Variants in ATP7B observed in about 807,000 individuals in gnomAD.
ATP7B encodes the protein ATPase copper transporting beta, also known as copper-transporting ATPase 2.
ATP7B carries 113 observed loss-of-function variants against 118.9 expected under a neutral mutation model. The observed-to-expected ratio is 0.95, with a 90% CI of 0.82 to 1.11. The LOEUF is 1.11. Ranked by LOEUF, ATP7B falls within the 50% of genes most tolerant of loss-of-function variation. The probability of loss-of-function intolerance (pLI) is 0.00; values close to 1 mark genes in which losing one functional copy is unlikely to be tolerated. For synonymous variants in ATP7B, 777 were observed against 727.4 expected (o/e 1.07, Z -1.10); for missense variants, 1,867 against 1,871.4 (o/e 1.00, Z 0.04).
chr13:51,974,326 T>C lies in ATP7B; in HGVS notation c.894A>G (p.Gln298=). 1 of 1,614,114 alleles carries C rather than the reference T, an allele frequency of 6.2e-7. No homozygotes were observed. The change falls in exon 2 of 21, where the codon CAA becomes CAG. Residue 298 remains glutamine, a synonymous_variant. Transcript: ENST00000242839. The part of the protein sequence containing the change: ...IQVSLENKTA[Q]VKYDPSCTSP... ...TGGTACAAGAAGGGTCATACTTTAC[T>C]TGGGCAGTTTTGTTCTCCAAGGACA...
chr13:51,939,928 A>C (rs548883723), intron 16 of ATP7B, among the ~76,000 whole-genome samples: 1 of 152,030 alleles, frequency 6.6e-6, no homozygotes, highest in South Asian at 2.1e-4. Context: ...ACTAACATTA[A>C]CAAAGTAAAG....
Position 51,972,691 on chromosome 13 carries a change from C to T in ATP7B, c.1285+1244G>A, listed in dbSNP as rs1379059323. On this transcript the variant is annotated intron_variant, in intron 2 of 20. Transcript: ENST00000242839. The stretch of plus-strand genomic sequence containing the variant: ...TTCTAAAATATAATCTGACTTCGTG[C>T]TTCCTCTGATTAAAACCCATGATGG... Among the ~76,000 whole-genome samples, 6 of 152,320 alleles carry T rather than the reference C, an allele frequency of 3.9e-5. No individual in the cohort carries two copies. The East Asian group carries it at 7.7e-4, about 20-fold the overall frequency.
intron 1 of ATP7B, among the ~76,000 whole-genome samples, chr13:51,979,810 A>T (rs1952322623): frequency 6.6e-6 from 1 of 152,180 alleles, no homozygotes; most frequent in Admixed American, 6.5e-5. Flanking sequence ...TAGAATGTTG[A>T]TTCTATGTTT....
chr13:51,963,324 G>C (rs1340858600), intron 5 of ATP7B, among the ~76,000 whole-genome samples: 1 of 152,182 alleles, frequency 6.6e-6, no homozygotes, highest in East Asian at 1.9e-4. Context: ...GCTGGGTATT[G>C]TGAGTAAAGT....
rs1957646412 is a variant in ATP7B, at chr13:51,946,284, C to A, written c.3060G>T (p.Lys1020Asn). The A allele has an allele frequency of 6.3e-7, 1 of 1,579,910 alleles. No homozygotes were observed. Among genetic ancestry groups the A allele is most frequent in the African/African-American group, 1.3e-5 (1 of 74,382 alleles). ...GGGGAAAGCCGTGCTACAGGCTGAC[C>A]TTGTGCGCCATCTCCAGGGGCTTGC... ...KGGKPLEMAH[K>N]IKTVMFDKTG... The change falls in exon 13 of 21, where the codon AAG becomes AAT. Residue 1020 changes from lysine to asparagine, a missense_variant and splice_region_variant. Coordinates refer to ENST00000242839, the MANE Select transcript of ATP7B (RefSeq NM_000053.4).
chr13:51,983,851 A>C (rs574663865), intron 1 of ATP7B, among the ~76,000 whole-genome samples: 47 of 152,276 alleles, frequency 3.1e-4, no homozygotes, highest in African/African-American at 9.1e-4. Context: ...AACAAACAGA[A>C]AGGTATAGCA....
intron 9 of ATP7B, among the ~76,000 whole-genome samples, chr13:51,950,830 C>T (rs539500842): frequency 1.3e-5 from 2 of 152,062 alleles, no homozygotes; most frequent in East Asian, 1.9e-4. Flanking sequence ...CCAACACACA[C>T]GGAAAGGAAG....
chr13:51,969,241 C>G (rs567180490), intron 3 of ATP7B, among the ~76,000 whole-genome samples: 1 of 151,778 alleles, frequency 6.6e-6, no homozygotes, highest in Non-Finnish European at 1.5e-5. Flanking sequence ...ATGAATCACC[C>G]GAGGACCTTG....
intron 8 of ATP7B, chr13:51,957,990 T>C (rs531993216): frequency 4.7e-4 from 219 of 469,888 alleles, no homozygotes; most frequent in South Asian, 4.1e-3. Context: ...TTGAGGAGGA[T>C]GTATGGATGT....
chr13:51,934,805 T>A lies in ATP7B; in HGVS notation c.4349A>T (p.Asp1450Val), dbSNP rs767073883. ...RHSAAADDDG[D>V]KWSLLLNGRD... ...GCCATTCAGGAGCAGAGACCACTTG[T>A]CCCCATCATCGTCTGCTGCAGCGCT... The change falls in exon 21 of 21, where the codon GAC becomes GTC. Residue 1450 changes from aspartate (D) to valine (V), a missense_variant. Transcript: ENST00000242839. 1 of 1,614,154 alleles carries A rather than the reference T, an allele frequency of 6.2e-7. No homozygotes were observed. The highest frequency in any genetic ancestry group is 8.5e-7 in the Non-Finnish European group (1 of 1,180,040).
At chr13:52,011,942 C>T, upstream of ATP7B, 1 of 296,406 alleles carries the variant, frequency 3.4e-6, no homozygotes, top group South Asian at 3.1e-5. Flanking sequence ...TGCGCTGCCC[C>T]CTCCTCGGAC....
chr13:51,995,067 T>C (rs1263876899), intron 1 of ATP7B, among the ~76,000 whole-genome samples: 1 of 152,232 alleles, frequency 6.6e-6, no homozygotes, highest in African/African-American at 2.4e-5. Context: ...TTGACTTGCA[T>C]TGTGGAAAAC....
chr13:51,940,641 C>T (rs997122638), intron 16 of ATP7B, among the ~76,000 whole-genome samples: 1 of 151,870 alleles, frequency 6.6e-6, no homozygotes, highest in Non-Finnish European at 1.5e-5. Flanking sequence ...AAGAGGGAAA[C>T]TCAGTCTAAA....
chr13:51,996,258 C>T (rs1007497479), intron 1 of ATP7B, among the ~76,000 whole-genome samples: 2 of 152,194 alleles, frequency 1.3e-5, no homozygotes, highest in Non-Finnish European at 2.9e-5. Flanking sequence ...AGCAGCACCA[C>T]GGCCAGGAAC....
intron 13 of ATP7B, among the ~76,000 whole-genome samples, chr13:51,945,237 GA>G: frequency 6.6e-6 from 1 of 152,288 alleles, no homozygotes; most frequent in East Asian, 1.9e-4. Flanking sequence ...CTAACGTTCA[GA>G]ACACTTTACT....
At chr13:51,940,030 G>A (rs1165097422) in intron 16 of ATP7B, among the ~76,000 whole-genome samples, 6 of 42,972 alleles carry the variant, frequency 1.4e-4, no homozygotes, top group Non-Finnish European at 2.6e-4. Context: ...TTTTTTTTTT[G>A]AGACAGAGTT....
chr13:51,965,577 G>C (rs1162601849), intron 4 of ATP7B, among the ~76,000 whole-genome samples: 1 of 152,174 alleles, frequency 6.6e-6, no homozygotes, highest in African/African-American at 2.4e-5. Flanking sequence ...TGTAATCAAA[G>C]GTGGTCCCAA....
intron 1 of ATP7B, among the ~76,000 whole-genome samples, chr13:51,997,925 T>C (rs1953292101): frequency 6.6e-6 from 1 of 152,114 alleles, no homozygotes; most frequent in Non-Finnish European, 1.5e-5. Context: ...CAGTGGCTTC[T>C]CCTTTGCTCC....
At chr13:51,944,923 G>A (rs1250376235) in intron 13 of ATP7B, among the ~76,000 whole-genome samples, 1 of 152,166 alleles carries the variant, frequency 6.6e-6, no homozygotes, top group Non-Finnish European at 1.5e-5. Flanking sequence ...GTCGAGCCCT[G>A]AGCCCTGCTT....
Sources: gnomAD v4.1 joint callset for allele counts (sites outside exome capture counted in the v4.1 genomes callset) on GRCh38, gnomAD v4.1.1 for gene constraint, MANE v1.5 for transcripts, NCBI Gene and HGNC (gene_info 2026-07-23, HGNC 2026-07-21) for gene names.